The following PCYOX1 variants were observed in gnomAD, a reference collection of about 807,000 sequenced individuals.
PCYOX1 encodes the protein prenylcysteine lyase.
Under a neutral mutation model 46.4 loss-of-function variants are expected in PCYOX1, and 46 were observed. The observed-to-expected ratio is 0.99, with a 90% confidence interval of 0.78 to 1.27. The LOEUF (loss-of-function observed/expected upper bound fraction) is 1.27, where lower values mean the gene tolerates loss of function less well. Among genes scored for constraint, PCYOX1 ranks in the 50% most tolerant of loss-of-function variants. The probability of loss-of-function intolerance (pLI) is 0.00; values close to 1 mark genes in which losing one functional copy is unlikely to be tolerated. For missense variants in PCYOX1, 658 were observed against 628.3 expected, an observed-to-expected ratio of 1.05 and a Z score of -0.51; for synonymous variants, 220 against 231.8, an observed-to-expected ratio of 0.95 and a Z score of 0.46.
Position 70,275,565 on chromosome 2 carries a change from G to A in PCYOX1, c.758G>A (p.Gly253Asp). 6.2e-7 allele frequency: 1 copy of A among 1,614,044 alleles called. No homozygotes were observed. The highest frequency in any genetic ancestry group is 1.1e-5 in the South Asian group (1 of 91,086). ...SDSGLWAVEG[G>D]NKLVCSGLLQ... ...TCTGGCCTTTGGGCAGTAGAAGGTGGCAATAAACTTGTTTGCTCAGGGCTT... is the reference window on the plus strand; with the variant it reads ...TCTGGCCTTTGGGCAGTAGAAGGTGACAATAAACTTGTTTGCTCAGGGCTT... The change falls in exon 5 of 6, where the codon GGC (glycine) becomes GAC (aspartate). Residue 253 changes from glycine (G) to aspartate (D), a missense_variant. Coordinates refer to ENST00000433351, the MANE Select transcript of PCYOX1 (RefSeq NM_016297.4).
At chr2:70,267,788 AG>A (rs1696548929) in intron 3 of PCYOX1, among the ~76,000 whole-genome samples, 1 of 86,804 alleles carries the variant, frequency 1.2e-5, no homozygotes, top group South Asian at 4.0e-4. Flanking sequence ...GGAGAGGGAG[AG>A]GGGGAGGGGG....
intron 3 of PCYOX1, among the ~76,000 whole-genome samples, chr2:70,263,981 T>TTTTA (rs1696476075): frequency 6.9e-6 from 1 of 144,426 alleles, no homozygotes. Flanking sequence ...TTTTTTTTTT[T>TTTTA]GATACAGGTC....
Position 70,280,137 on chromosome 2 carries a change from A to C in PCYOX1, c.*2745A>C, listed in dbSNP as rs554375839. 1 of 152,334 alleles carries C rather than the reference A, an allele frequency of 6.6e-6. No homozygotes were observed. The highest frequency in any genetic ancestry group is 1.5e-5 in the Non-Finnish European group (1 of 68,030). The allele number at this position is 152,334 out of a possible 1,614,324, so 9.4% of individuals were successfully genotyped here. ...TATTACATCAAACCTACTCTGGATA[A>C]ATTTTCCAGTAGGGCATCTGAAATT... On this transcript the variant is annotated 3_prime_UTR_variant, in exon 6 of 6. Coordinates refer to ENST00000433351, the MANE Select transcript of PCYOX1 (RefSeq NM_016297.4).
chr2:70,269,507 TTG>T (rs1345451109), intron 3 of PCYOX1, among the ~76,000 whole-genome samples: 1 of 152,064 alleles, frequency 6.6e-6, no homozygotes, highest in Non-Finnish European at 1.5e-5. Context: ...GGCTAATTTT[TTG>T]TGTTTTTAGT....
rs557758464 is a variant in PCYOX1 at position 70,277,232 on chromosome 2, G to A, written c.1358G>A (p.Arg453Gln). ...EKCPSIILHD[R>Q]LYYLNGIECA... is the part of the protein sequence containing the mutation. ...TGCCCCTCTATCATTCTCCATGATC[G>A]ACTTTATTACCTCAATGGCATAGAG... Residue 453 changes from arginine (R) to glutamine (Q), a missense_variant, in exon 6 of 6, where the codon CGA (arginine) becomes CAA (glutamine). Coordinates refer to ENST00000433351, the MANE Select transcript of PCYOX1 (RefSeq NM_016297.4). 6.8e-6 allele frequency: 11 copies of A among 1,614,026 alleles called. No individual in the cohort carries two copies. Among genetic ancestry groups the A allele is most frequent in the East Asian group, 2.2e-5 (1 of 44,882 alleles).
At chr2:70,267,798 G>A (rs1261710801) in intron 3 of PCYOX1, among the ~76,000 whole-genome samples, 5 of 151,618 alleles carry the variant, frequency 3.3e-5, no homozygotes, top group Non-Finnish European at 7.4e-5. Flanking sequence ...AGGGGGAGGG[G>A]GAGGGGGAGA....
At position 70,275,455 on chromosome 2, in the gene PCYOX1, G is replaced by C. The variant is rs1696657117; in HGVS notation, c.707-59G>C. On this transcript the variant is annotated intron_variant, in intron 4 of 5. Transcript: ENST00000433351. ...GAACATGTAATTGGGAAGGGAGAGT[G>C]GGTAGAGAGCCTCTTACAAAAAGTC... is the stretch of plus-strand genomic sequence containing the variant. The C allele has an allele frequency of 2.4e-5, 37 of 1,528,838 alleles. No individual in the cohort carries two copies. In the South Asian group the frequency reaches 4.0e-4, roughly 17 times the overall value. 94.7% of individuals were successfully genotyped at this position (1,528,838 alleles called of 1,614,324 possible).
intron 3 of PCYOX1, among the ~76,000 whole-genome samples, chr2:70,274,329 C>T (rs1696638213): frequency 6.6e-6 from 1 of 150,468 alleles, no homozygotes; most frequent in East Asian, 2.0e-4. Flanking sequence ...TCCTGAATAG[C>T]TGGGATTACA....
At position 70,277,104 on chromosome 2, in the gene PCYOX1, A is replaced by G; in HGVS notation, c.1230A>G (p.Gln410=). The change falls in exon 6 of 6, where the codon CAA becomes CAG. Residue 410 remains glutamine, a synonymous_variant. Coordinates refer to ENST00000433351, the MANE Select transcript of PCYOX1 (RefSeq NM_016297.4). ...CATATGTTTGGAAGATCTTTTCCCA[A>G]GAAACTCTTACTAAAGCACAAATTT... ...DGTYVWKIFS[Q]ETLTKAQILK... The G allele has an allele frequency of 6.2e-7, 1 of 1,614,206 alleles. No individual in the cohort carries two copies. Among genetic ancestry groups the G allele is most frequent in the Non-Finnish European group, 8.5e-7 (1 of 1,180,010 alleles).
chr2:70,268,042 C>T (rs973016997), intron 3 of PCYOX1, among the ~76,000 whole-genome samples: 2 of 152,002 alleles, frequency 1.3e-5, no homozygotes, highest in Non-Finnish European at 2.9e-5. Context: ...CACTCCTGAC[C>T]TCGTGATCCA....
intron 3 of PCYOX1, among the ~76,000 whole-genome samples, chr2:70,264,044 C>T (rs915608269): frequency 6.7e-6 from 1 of 148,978 alleles, no homozygotes; most frequent in South Asian, 2.1e-4. Flanking sequence ...CTCACTGCAG[C>T]CTGGACCTCC....
At chr2:70,258,748 C>T (rs900020489) in intron 1 of PCYOX1, among the ~76,000 whole-genome samples, 2 of 152,200 alleles carry the variant, frequency 1.3e-5, no homozygotes, top group Middle Eastern at 3.2e-3. Flanking sequence ...GAGGCTGAAC[C>T]GCCTTCCCCC....
chr2:70,272,708 TA>T (rs1257295050), intron 3 of PCYOX1, among the ~76,000 whole-genome samples: 5 of 152,056 alleles, frequency 3.3e-5, no homozygotes, highest in African/African-American at 1.2e-4. Flanking sequence ...TTATTATTAT[TA>T]TTTTTTTGAG....
At chr2:70,269,417 C>A (rs1197646898) in intron 3 of PCYOX1, among the ~76,000 whole-genome samples, 1 of 151,116 alleles carries the variant, frequency 6.6e-6, no homozygotes, top group Non-Finnish European at 1.5e-5. Flanking sequence ...CTCACTGCAA[C>A]CTCTGCCTCC....
intron 3 of PCYOX1, among the ~76,000 whole-genome samples, chr2:70,269,811 C>T (rs1696576686): frequency 6.6e-6 from 1 of 152,082 alleles, no homozygotes; most frequent in African/African-American, 2.4e-5. Context: ...AAAGACAAGC[C>T]TTCAGGATAG....
Position 70,259,484 on chromosome 2 carries a change from G to T in PCYOX1, c.237G>T (p.Met79Ile). ...EEVGGRLATM[M>I]VQGQEYEAGG... Reference sequence around the variant, plus strand: ...TCGGGGGCCGCCTGGCTACCATGATGGTGCAGGGGCAAGAATACGAGGCAG... The same window carrying T: ...TCGGGGGCCGCCTGGCTACCATGATTGTGCAGGGGCAAGAATACGAGGCAG... The change falls in exon 2 of 6, where the codon ATG (methionine) becomes ATT (isoleucine). Residue 79 changes from methionine (M) to isoleucine (I), a missense_variant. Coordinates refer to ENST00000433351, the MANE Select transcript of PCYOX1 (RefSeq NM_016297.4). 2 of 1,614,098 alleles carry T rather than the reference G, an allele frequency of 1.2e-6. No individual in the cohort carries two copies. Among genetic ancestry groups the T allele is most frequent in the Non-Finnish European group, 1.7e-6 (2 of 1,180,018 alleles).
chr2:70,274,232 C>T (rs1198385875), intron 3 of PCYOX1, among the ~76,000 whole-genome samples: 1 of 138,402 alleles, frequency 7.2e-6, no homozygotes, highest in African/African-American at 2.6e-5. Context: ...GAGTCTCGCT[C>T]TGTTGCCCAG....
chr2:70,274,074 A>T (rs1696634756), intron 3 of PCYOX1, among the ~76,000 whole-genome samples: 1 of 152,158 alleles, frequency 6.6e-6, no homozygotes, highest in Non-Finnish European at 1.5e-5. Flanking sequence ...GAGACCAGTG[A>T]ATGGGTCAGG....
chr2:70,275,507 T>G lies in PCYOX1; in HGVS notation c.707-7T>G. On this transcript the variant is annotated splice_region_variant and splice_polypyrimidine_tract_variant and intron_variant, in intron 4 of 5. Transcript: ENST00000433351. ...GAATTAAAACACATTTTTCCTCCTA[T>G]TGACAGGGGCGGTGTCACTGTCCTG... The G allele has an allele frequency of 6.2e-7, 1 of 1,612,770 alleles. No individual in the cohort carries two copies. Among genetic ancestry groups the G allele is most frequent in the Non-Finnish European group, 8.5e-7 (1 of 1,179,530 alleles).
Sources: allele counts gnomAD v4.1 joint callset (sites outside exome capture counted in the v4.1 genomes callset), GRCh38; gene constraint gnomAD v4.1.1; transcripts MANE v1.5; gene names NCBI Gene and HGNC (gene_info 2026-07-23, HGNC 2026-07-21).